FGF13: variants seen among roughly 807,000 people sequenced by gnomAD.
FGF13 encodes fibroblast growth factor 13.
In FGF13, 2 loss-of-function variants were observed where a neutral mutation model predicts 19.5. The observed-to-expected ratio is 0.10, with a 90% confidence interval of 0.04 to 0.32. The LOEUF (loss-of-function observed/expected upper bound fraction) is 0.32, where lower values mean the gene tolerates loss of function less well. FGF13 is among the 10% of genes least tolerant of loss of function. The pLI is 1.00. For missense variants in FGF13, 113 were observed against 192.7 expected (o/e 0.59, Z 2.45); for synonymous variants, 72 against 76.9 (o/e 0.94, Z 0.33).
At chrX:139,204,596 C>G (rs922112316), upstream of FGF13, among the ~76,000 whole-genome samples, 10 of 113,054 alleles carry the variant, frequency 8.8e-5, no homozygotes, top group Admixed American at 2.8e-4. Context: ...GCTGCTTTCC[C>G]CCGCCTCTCC....
At position 138,633,128 on chromosome X, in the gene FGF13, A is replaced by C. The variant is rs946922785; in HGVS notation, c.602-142T>G. 5.9e-6 allele frequency: 3 copies of C among 508,129 alleles called. No homozygotes were observed. In the African/African-American group the frequency reaches 7.1e-5, roughly 12 times the overall value. 41.9% of individuals were successfully genotyped at this position (508,129 alleles called of 1,213,427 possible). ...GGTAATGCATATGTTAATTAGCTTGATTTAGCTATTCCACAATGTATACAT... is the reference window on the plus strand; with the variant it reads ...GGTAATGCATATGTTAATTAGCTTGCTTTAGCTATTCCACAATGTATACAT... On this transcript the variant is annotated intron_variant, in intron 4 of 4. Coordinates refer to ENST00000315930, the MANE Select transcript of FGF13 (RefSeq NM_004114.5).
At chrX:139,138,231 A>G (rs902645820) in intron 1 of FGF13, among the ~76,000 whole-genome samples, 4 of 112,110 alleles carry the variant, frequency 3.6e-5, no homozygotes, top group Admixed American at 1.9e-4. Flanking sequence ...GGTTAGAGGA[A>G]CCAAGTAACT....
chrX:139,197,294 T>C (rs746517784), intron 1 of FGF13, among the ~76,000 whole-genome samples: 1 of 112,819 alleles, frequency 8.9e-6, no homozygotes, highest in Non-Finnish European at 1.9e-5. Context: ...CTGTATGTAC[T>C]AAGAGCTACT....
At chrX:139,112,010 T>C (rs2083606367) in intron 1 of FGF13, among the ~76,000 whole-genome samples, 1 of 112,234 alleles carries the variant, frequency 8.9e-6, no homozygotes. Flanking sequence ...CATGACCATT[T>C]AGTAGTAGAA....
chrX:138,972,495 T>A (rs2091922229), intron 1 of FGF13, among the ~76,000 whole-genome samples: 1 of 108,038 alleles, frequency 9.3e-6, no homozygotes, highest in Non-Finnish European at 1.9e-5. Context: ...TAGCTGGGAC[T>A]ACAGGCGCCG....
intron 3 of FGF13, among the ~76,000 whole-genome samples, chrX:138,793,335 C>T (rs2090755746): frequency 9.0e-6 from 1 of 111,560 alleles, no homozygotes; most frequent in African/African-American, 3.3e-5. Flanking sequence ...GTTTAAGGTA[C>T]CTTCATTTCT....
chrX:138,757,959 G>A (rs1339201138), intron 3 of FGF13, among the ~76,000 whole-genome samples: 1 of 111,965 alleles, frequency 8.9e-6, no homozygotes, highest in East Asian at 2.8e-4. Context: ...GGTAGGAATT[G>A]AACTCAGGTC....
rs756478074 is a variant in FGF13, at chrX:139,192,717, A to G, written c.-113+10699T>C. On this transcript the variant is annotated intron_variant, in intron 1 of 2. Coordinates refer to the FGF13 transcript ENST00000421460. ...TGCTGATGCCCAAGCTGGTCCAGGA[A>G]CCACAGCTTCGGTGGTTCCTGAACC... 9.0e-5 allele frequency among the ~76,000 whole-genome samples: 10 copies of G among 111,544 alleles called. No homozygotes were observed. The South Asian group carries it at 2.3e-3, about 26-fold the overall frequency.
intron 3 of FGF13, among the ~76,000 whole-genome samples, chrX:138,757,088 T>A (rs943773855): frequency 9.0e-6 from 1 of 110,945 alleles, no homozygotes; most frequent in African/African-American, 3.3e-5. Flanking sequence ...ATGGGTGCGA[T>A]GAGAAACAAC....
intron 1 of FGF13, among the ~76,000 whole-genome samples, chrX:138,982,841 A>C (rs960278580): frequency 5.4e-5 from 6 of 111,927 alleles, no homozygotes; most frequent in African/African-American, 1.6e-4. Flanking sequence ...ATGGGATTTG[A>C]TTTGCCTTTC....
chrX:138,747,293 T>G (rs1271548086), intron 3 of FGF13, among the ~76,000 whole-genome samples: 1 of 111,553 alleles, frequency 9.0e-6, no homozygotes, highest in Non-Finnish European at 1.9e-5. Context: ...TGAGTCAAAG[T>G]GCATCTCACA....
intron 1 of FGF13, among the ~76,000 whole-genome samples, chrX:139,135,674 G>A (rs747850583): frequency 2.7e-5 from 3 of 111,553 alleles, no homozygotes; most frequent in Non-Finnish European, 5.6e-5. Flanking sequence ...TTAGTTTCCT[G>A]ACTCTATGTG....
At position 138,882,577 on chromosome X, in the gene FGF13, A is replaced by G. The variant is rs150999680; in HGVS notation, c.-112-17927T>C. On this transcript the variant is annotated intron_variant, in intron 1 of 2. Transcript: ENST00000421460. Reference sequence around the variant, plus strand: ...AGCTCCCCACTATGTAAGCTGTTACATCAAGGGAAGCATGGTTTCATTTTA... The same window carrying G: ...AGCTCCCCACTATGTAAGCTGTTACGTCAAGGGAAGCATGGTTTCATTTTA... Among the ~76,000 whole-genome samples the G allele has an allele frequency of 7.9e-3, 880 of 111,962 alleles. 12 individuals carry two copies. The highest frequency in any genetic ancestry group is 0.028 in the African/African-American group (851 of 30,825).
At chrX:138,702,193 A>AT (rs1284752623) in intron 3 of FGF13, among the ~76,000 whole-genome samples, 12 of 110,598 alleles carry the variant, frequency 1.1e-4, no homozygotes, top group African/African-American at 3.3e-4. Context: ...AAATAAATAA[A>AT]TAAATTAATT....
intron 1 of FGF13, among the ~76,000 whole-genome samples, chrX:138,923,369 G>A (rs896531938): frequency 1.8e-5 from 2 of 111,858 alleles, no homozygotes; most frequent in African/African-American, 3.3e-5. Flanking sequence ...TTTATTTTCA[G>A]CTCCACTAAC....
At chrX:138,937,676 C>T (rs2091738660) in intron 1 of FGF13, among the ~76,000 whole-genome samples, 2 of 112,465 alleles carry the variant, frequency 1.8e-5, no homozygotes, top group South Asian at 7.4e-4. Context: ...GCAGCTAGCA[C>T]TGTGTCTGAC....
intron 3 of FGF13, among the ~76,000 whole-genome samples, chrX:138,679,787 G>T (rs747899572): frequency 9.0e-6 from 1 of 111,728 alleles, no homozygotes; most frequent in Non-Finnish European, 1.9e-5. Context: ...GCTATTTAAG[G>T]TCAGGATGAT....
At chrX:138,940,857 C>T (rs965990955) in intron 1 of FGF13, among the ~76,000 whole-genome samples, 1 of 111,261 alleles carries the variant, frequency 9.0e-6, no homozygotes, top group South Asian at 3.8e-4. Flanking sequence ...AGTCGGGTAA[C>T]GTCATGCCTC....
upstream of FGF13, among the ~76,000 whole-genome samples, chrX:138,742,564 T>C (rs1322139112): frequency 9.0e-6 from 1 of 111,073 alleles, no homozygotes; most frequent in Non-Finnish European, 1.9e-5. Flanking sequence ...CATCTGTTCC[T>C]ACAGGCAGAG....
Sources: allele counts gnomAD v4.1 joint callset (sites outside exome capture counted in the v4.1 genomes callset), GRCh38; gene constraint gnomAD v4.1.1; transcripts MANE v1.5; gene names NCBI Gene and HGNC (gene_info 2026-07-23, HGNC 2026-07-21).